NDUFA3: variants seen among roughly 807,000 people sequenced by gnomAD.
The protein encoded by NDUFA3 is NADH dehydrogenase [ubiquinone] 1 alpha subcomplex subunit 3.
In NDUFA3, 10 loss-of-function variants were observed where a neutral mutation model predicts 11.4. The ratio of observed to expected loss-of-function variants is 0.87; its 90% CI spans 0.54 to 1.48. NDUFA3 has a LOEUF of 1.48. NDUFA3 is among the 40% of genes most tolerant of loss of function. The pLI is 0.00. For missense variants in NDUFA3, 115 were observed against 110.5 expected, an observed-to-expected ratio of 1.04 and a Z score of -0.18; for synonymous variants, 39 against 46.9, an observed-to-expected ratio of 0.83 and a Z score of 0.68.
rs778016764 is a variant in NDUFA3 at position 54,103,198 on chromosome 19, T to G, written c.85+10T>G. The G allele has an allele frequency of 1.9e-6, 3 of 1,586,450 alleles. No individual in the cohort carries two copies. In the African/African-American group the frequency reaches 4.0e-5, roughly 21 times the overall value. On this transcript the variant is annotated intron_variant, in intron 2 of 3. Coordinates refer to ENST00000485876, the MANE Select transcript of NDUFA3 (RefSeq NM_004542.4). The stretch of plus-strand genomic sequence containing the variant: ...GTCGTCGGGGGCCTCGGTGCGTGAG[T>G]GCTCCAGGCGCAAACTTGCATCGTC...
At chr19:54,103,027 C>T in intron 1 of NDUFA3, 87 bp from the exon 2 acceptor site, 5 of 1,537,210 alleles carry the variant, frequency 3.3e-6, no homozygotes, top group Non-Finnish European at 4.4e-6. Context: ...CACGAGGGGG[C>T]TCCTCCAGGG....
intron 2 of NDUFA3, chr19:54,105,618 C>G (rs1166350175): frequency 1.7e-6 from 1 of 603,438 alleles, no homozygotes; most frequent in Admixed American, 2.2e-5. Flanking sequence ...GACACTACCC[C>G]CAGGATGCTC....
intron 2 of NDUFA3, among the ~76,000 whole-genome samples, chr19:54,103,988 C>G (rs1422977945): frequency 6.6e-6 from 1 of 152,126 alleles, no homozygotes; most frequent in Non-Finnish European, 1.5e-5. Flanking sequence ...CGCCCGCCCC[C>G]ATGCCCGGCT....
chr19:54,103,496 C>T (rs1032245531), intron 2 of NDUFA3, among the ~76,000 whole-genome samples: 4 of 152,110 alleles, frequency 2.6e-5, no homozygotes, highest in Non-Finnish European at 5.9e-5. Flanking sequence ...CTTTCCTCTC[C>T]CCCATTCTGA....
Position 54,105,946 on chromosome 19 carries a change from C to T in NDUFA3, c.98C>T (p.Pro33Leu). 6.2e-7 allele frequency: 1 copy of T among 1,613,300 alleles called. No individual in the cohort carries two copies. The highest frequency in any genetic ancestry group is 1.6e-4 in the Middle Eastern group (1 of 6,062). The change falls in exon 3 of 4, where the codon CCC becomes CTC. Residue 33 changes from proline to leucine, a missense_variant. Transcript: ENST00000485876. ...TGTCTCTCCACAGCTGTAATTCTGC[C>T]CCCATTGAGCCCCTACTTCAAGTAC... ...FVVGGLAVILPPLSPYFKYSV... is the reference protein window; with the variant it reads ...FVVGGLAVILLPLSPYFKYSV...
chr19:54,107,432 A>G lies in NDUFA3; in HGVS notation c.*530A>G. ...GCCTAACATGTTTTTTCTTTTTGGT[A>G]GAGATGGGGTCTCAGTATGTTGCTC... On this transcript the variant is annotated 3_prime_UTR_variant, in exon 4 of 4. Transcript: ENST00000485876. 1 of 490,756 alleles carries G rather than the reference A, an allele frequency of 2.0e-6. No homozygotes were observed. The highest frequency in any genetic ancestry group is 3.6e-6 in the Non-Finnish European group (1 of 275,274). The allele number at this position is 490,756 out of a possible 1,614,324, so 30.4% of individuals were successfully genotyped here. A position where few individuals can be genotyped will look rare whatever the true frequency, so the allele number is the denominator to read the frequency against.
At chr19:54,103,920 G>A (rs1033786316) in intron 2 of NDUFA3, among the ~76,000 whole-genome samples, 1 of 151,888 alleles carries the variant, frequency 6.6e-6, no homozygotes, top group East Asian at 1.9e-4. Context: ...TGCAAGCCCC[G>A]CCTTCCGGGT....
rs187324472 is a variant in NDUFA3 at position 54,104,386 on chromosome 19, C to T, written c.85+1198C>T. On this transcript the variant is annotated intron_variant, in intron 2 of 3. Transcript: ENST00000485876. ...CTCCTGACCGCAAGTGATCTGCCTT[C>T]CCAAAGTGCTGGGATTACAGGGGTG... Among the ~76,000 whole-genome samples the T allele has an allele frequency of 1.8e-4, 28 of 152,174 alleles. No homozygotes were observed. In the South Asian group the frequency reaches 2.5e-3, roughly 14 times the overall value.
rs748323240 is a variant in NDUFA3, at chr19:54,103,190, T to A, written c.85+2T>A. The A allele has an allele frequency of 3.1e-6, 5 of 1,590,610 alleles. No homozygotes were observed. The Admixed American group carries it at 8.6e-5, about 27-fold the overall frequency. On this transcript the variant is annotated splice_donor_variant, in intron 2 of 3. Coordinates refer to ENST00000485876, the MANE Select transcript of NDUFA3 (RefSeq NM_004542.4). LOFTEE classifies it high-confidence loss of function. Reference sequence around the variant, plus strand: ...TGTCCTTCGTCGTCGGGGGCCTCGGTGCGTGAGTGCTCCAGGCGCAAACTT... The same window carrying A: ...TGTCCTTCGTCGTCGGGGGCCTCGGAGCGTGAGTGCTCCAGGCGCAAACTT...
chr19:54,103,293 A>T, intron 2 of NDUFA3, 105 bp downstream of exon 2: 2 of 1,165,504 alleles, frequency 1.7e-6, no homozygotes, highest in Non-Finnish European at 2.4e-6. Flanking sequence ...GGTCCCCTCT[A>T]GTGTGTCTGC....
intron 3 of NDUFA3, chr19:54,106,229 C>T (rs992981132): frequency 4.6e-5 from 26 of 563,792 alleles, no homozygotes; most frequent in African/African-American, 2.3e-4. Context: ...GACAGAGTCT[C>T]GCTCTGTCGC....
chr19:54,105,852 T>C, intron 2 of NDUFA3, 82 bp from the exon 3 acceptor site: 2 of 1,253,016 alleles, frequency 1.6e-6, no homozygotes, highest in Middle Eastern at 1.9e-4. Flanking sequence ...GCACTTTATC[T>C]TCCCTTTGCC....
rs1396794908 is a variant in NDUFA3 at position 54,107,261 on chromosome 19, T to C, written c.*359T>C. Reference sequence around the variant, plus strand: ...TTTTTGTTTTCATTTTGTTTTGCTTTTTAAAGAGACAGGGTCTCACTCTGT... The same window carrying C: ...TTTTTGTTTTCATTTTGTTTTGCTTCTTAAAGAGACAGGGTCTCACTCTGT... On this transcript the variant is annotated 3_prime_UTR_variant, in exon 4 of 4. Transcript: ENST00000485876. The C allele has an allele frequency of 1.4e-5, 21 of 1,536,426 alleles. No individual in the cohort carries two copies. Among genetic ancestry groups the C allele is most frequent in the Non-Finnish European group, 1.8e-5 (21 of 1,138,398 alleles).
Position 54,107,258 on chromosome 19 carries a change from C to G in NDUFA3, c.*356C>G. ...CCATTTTTGTTTTCATTTTGTTTTG[C>G]TTTTTAAAGAGACAGGGTCTCACTC... On this transcript the variant is annotated 3_prime_UTR_variant, in exon 4 of 4. Transcript: ENST00000485876. The G allele has an allele frequency of 6.5e-7, 1 of 1,543,408 alleles. No individual in the cohort carries two copies. Among genetic ancestry groups the G allele is most frequent in the Non-Finnish European group, 8.7e-7 (1 of 1,142,892 alleles).
chr19:54,105,671 C>T (rs2073235870), intron 2 of NDUFA3: 4 of 685,112 alleles, frequency 5.8e-6, no homozygotes, highest in South Asian at 3.0e-5. Flanking sequence ...CATGACCAAC[C>T]CCACTGCTGC....
chr19:54,106,764 G>C (rs774159634), intron 3 of NDUFA3, 47 bp from the exon 4 acceptor site: 1 of 1,506,360 alleles, frequency 6.6e-7, no homozygotes, highest in East Asian at 2.3e-5. Context: ...TTCTCTCCAG[G>C]GCCCTGGAGA....
chr19:54,103,819 C>T (rs1600277683), intron 2 of NDUFA3, among the ~76,000 whole-genome samples: 1 of 151,926 alleles, frequency 6.6e-6, no homozygotes, highest in East Asian at 1.9e-4. Context: ...GCTGGGATTA[C>T]AGGCGCCCAG....
chr19:54,107,174 A>G lies in NDUFA3; in HGVS notation c.*272A>G, dbSNP rs1280734945. 1.9e-6 allele frequency: 3 copies of G among 1,612,058 alleles called. No individual in the cohort carries two copies. In the South Asian group the frequency reaches 3.3e-5, roughly 18 times the overall value. ...AAAGTCTTCCTCAACCTTAATCTGCAGGAGATAAGGAACAAGGTGTTAACA... is the reference window on the plus strand; with the variant it reads ...AAAGTCTTCCTCAACCTTAATCTGCGGGAGATAAGGAACAAGGTGTTAACA... On this transcript the variant is annotated 3_prime_UTR_variant, in exon 4 of 4. Coordinates refer to ENST00000485876, the MANE Select transcript of NDUFA3 (RefSeq NM_004542.4).
intron 2 of NDUFA3, 132 bp downstream of exon 2, chr19:54,103,320 C>T (rs2073148554): frequency 2.2e-6 from 2 of 899,106 alleles, no homozygotes; most frequent in Non-Finnish European, 3.3e-6. Context: ...ACGGCATCCC[C>T]TTATCTATCC....
Sources: gnomAD v4.1 joint callset for allele counts (sites outside exome capture counted in the v4.1 genomes callset) on GRCh38, gnomAD v4.1.1 for gene constraint, MANE v1.5 for transcripts, NCBI Gene and HGNC (gene_info 2026-07-23, HGNC 2026-07-21) for gene names.